ANK3: variants seen among roughly 807,000 people sequenced by gnomAD.
The protein encoded by ANK3 is ankyrin-3.
A neutral mutation model predicts 370.9 loss-of-function variants in ANK3; 57 were observed. That is an observed-to-expected ratio of 0.15 (90% CI 0.12 to 0.19). The LOEUF (loss-of-function observed/expected upper bound fraction) is 0.19. Among genes scored for constraint, ANK3 ranks in the 10% least tolerant of loss-of-function variants. The pLI is 1.00. For synonymous variants in ANK3, 1,929 were observed against 1,946.3 expected, an observed-to-expected ratio of 0.99 and a Z score of 0.23; for missense variants, 4,439 against 5,302.1, an observed-to-expected ratio of 0.84 and a Z score of 5.06.
chr10:60,413,533 T>A (rs567554275), intron 2 of ANK3, among the ~76,000 whole-genome samples: 1 of 152,134 alleles, frequency 6.6e-6, no homozygotes, highest in Non-Finnish European at 1.5e-5. Flanking sequence ...TCCAAAACAA[T>A]ATTGCTCAAC....
rs543672079 is a variant in ANK3, at chr10:60,531,471, TG to T, written c.96+83714del. On this transcript the variant is annotated intron_variant, in intron 2 of 43. Transcript: ENST00000373827. The stretch of plus-strand genomic sequence containing the variant: ...TCTGGTGAGGGAAAATCAGTGGCTG[TG>T]GGCCAGAAGAGAGAAAATTTACTCT... 4.9e-4 allele frequency among the ~76,000 whole-genome samples: 74 copies of T among 152,234 alleles called. 1 individual carries two copies. The highest frequency in any genetic ancestry group is 1.6e-3 in the African/African-American group (68 of 41,582).
chr10:60,172,052 T>A (rs2132312197), intron 21 of ANK3, among the ~76,000 whole-genome samples: 1 of 152,272 alleles, frequency 6.6e-6, no homozygotes, highest in South Asian at 2.1e-4. Context: ...AATAAATAAA[T>A]ACATTTAGCT....
At chr10:60,332,899 A>T (rs1345968929) in intron 1 of ANK3, among the ~76,000 whole-genome samples, 1 of 152,214 alleles carries the variant, frequency 6.6e-6, no homozygotes, top group East Asian at 1.9e-4. Context: ...TGTTGGGAGG[A>T]TTAATAGAAA....
intron 23 of ANK3, among the ~76,000 whole-genome samples, chr10:60,145,497 A>C (rs1200650716): frequency 6.6e-6 from 1 of 152,228 alleles, no homozygotes; most frequent in Non-Finnish European, 1.5e-5. Flanking sequence ...AATCAGATCA[A>C]TTATAATTAA....
intron 2 of ANK3, among the ~76,000 whole-genome samples, chr10:60,430,226 G>A (rs1280974897): frequency 6.6e-6 from 1 of 152,230 alleles, no homozygotes; most frequent in East Asian, 1.9e-4. Context: ...AAGGCTGAAT[G>A]CCAAGAAAAT....
intron 2 of ANK3, among the ~76,000 whole-genome samples, chr10:60,571,415 GA>G (rs1167401301): frequency 2.0e-5 from 3 of 152,134 alleles, no homozygotes; most frequent in Admixed American, 6.5e-5. Flanking sequence ...ACGAGTAGCT[GA>G]AATCTTTATC....
chr10:60,223,578 G>C (rs554289156), intron 8 of ANK3, among the ~76,000 whole-genome samples: 6 of 152,078 alleles, frequency 3.9e-5, no homozygotes, highest in African/African-American at 1.4e-4. Context: ...ATGAATGAAT[G>C]GAGTGAGTGA....
intron 1 of ANK3, among the ~76,000 whole-genome samples, chr10:60,682,364 G>A (rs2079207180): frequency 6.7e-6 from 1 of 149,912 alleles, no homozygotes; most frequent in African/African-American, 2.5e-5. Context: ...GATACCTGTT[G>A]ATTTAAAACA....
At chr10:60,593,491 T>G (rs1458453609) in intron 2 of ANK3, among the ~76,000 whole-genome samples, 1 of 152,186 alleles carries the variant, frequency 6.6e-6, no homozygotes, top group African/African-American at 2.4e-5. Context: ...ACAAATAGCC[T>G]CCAAATCTTT....
intron 2 of ANK3, among the ~76,000 whole-genome samples, chr10:60,588,160 T>TTTATTATTATTA (rs147944306): frequency 0.02 from 2,851 of 141,086 alleles, 36 homozygotes; most frequent in South Asian, 0.035. Flanking sequence ...TTTCTCAGTT[T>TTTATTATTATTA]TTATTATTAT....
chr10:60,066,996 T>TG (rs1286748029), intron 38 of ANK3, among the ~76,000 whole-genome samples: 2 of 152,182 alleles, frequency 1.3e-5, no homozygotes, highest in African/African-American at 4.8e-5. Context: ...CTCAGCTCAC[T>TG]GCAGCCTCTG....
At chr10:60,659,930 G>T (rs1460624897) in intron 1 of ANK3, among the ~76,000 whole-genome samples, 2 of 152,090 alleles carry the variant, frequency 1.3e-5, no homozygotes, top group Non-Finnish European at 2.9e-5. Flanking sequence ...AAGCTTTTAG[G>T]ATTTGTTTCT....
chr10:60,683,312 A>C (rs565182656), intron 1 of ANK3, among the ~76,000 whole-genome samples: 1 of 152,332 alleles, frequency 6.6e-6, no homozygotes, highest in African/African-American at 2.4e-5. Context: ...TAAGTGCTGA[A>C]ACTATCCCAC....
chr10:60,301,578 A>G (rs1423426974), intron 1 of ANK3, among the ~76,000 whole-genome samples: 1 of 151,654 alleles, frequency 6.6e-6, no homozygotes, highest in Non-Finnish European at 1.5e-5. Context: ...ATGTCTGGCT[A>G]ATTTTTGTAT....
At chr10:60,441,344 T>C (rs1324739215) in intron 2 of ANK3, among the ~76,000 whole-genome samples, 2 of 152,130 alleles carry the variant, frequency 1.3e-5, no homozygotes, top group Admixed American at 1.3e-4. Flanking sequence ...CCTAATACAC[T>C]TTCTAAAAAA....
chr10:60,196,689 A>C, intron 14 of ANK3, 64 bp from the exon 15 acceptor site: 1 of 1,044,956 alleles, frequency 9.6e-7, no homozygotes, highest in South Asian at 1.4e-5. Context: ...CACACACAAA[A>C]CCCAAACCAA....
At chr10:60,342,766 A>G (rs2054553265) in intron 1 of ANK3, among the ~76,000 whole-genome samples, 1 of 152,168 alleles carries the variant, frequency 6.6e-6, no homozygotes, top group African/African-American at 2.4e-5. Context: ...GAGAGATCCT[A>G]TATGGCAGTG....
chr10:60,195,362 A>C (rs1251288644), intron 16 of ANK3, among the ~76,000 whole-genome samples: 1 of 148,568 alleles, frequency 6.7e-6, no homozygotes. Flanking sequence ...CCAGCCTGGG[A>C]GACAGAGCTA....
At chr10:60,183,858 CAA>C (rs35653342) in intron 17 of ANK3, among the ~76,000 whole-genome samples, 64 of 110,224 alleles carry the variant, frequency 5.8e-4, no homozygotes, top group East Asian at 1.2e-3. Context: ...AATTCTGTCT[CAA>C]AAAAAAAAAA....
Sources: gnomAD v4.1 joint callset for allele counts (sites outside exome capture counted in the v4.1 genomes callset) on GRCh38, gnomAD v4.1.1 for gene constraint, MANE v1.5 for transcripts, NCBI Gene and HGNC (gene_info 2026-07-23, HGNC 2026-07-21) for gene names.